The following PAPPA variants were observed in gnomAD, a reference collection of about 807,000 sequenced individuals.
PAPPA encodes pappalysin 1, also known as pappalysin-1.
A neutral mutation model predicts 164.0 loss-of-function variants in PAPPA; 60 were observed. That is an observed-to-expected ratio of 0.37 (90% CI 0.30 to 0.45). The LOEUF (loss-of-function observed/expected upper bound fraction) is 0.45. Among genes scored for constraint, PAPPA ranks in the 20% least tolerant of loss-of-function variants. The pLI, the probability that PAPPA is intolerant of heterozygous loss-of-function variation, is 1.00. For synonymous variants in PAPPA, 875 were observed against 814.1 expected, an observed-to-expected ratio of 1.07 and a Z score of -1.27; for missense variants, 1,782 against 2,087.3, an observed-to-expected ratio of 0.85 and a Z score of 2.85.
At chr9:116,383,255 T>C (rs1846757018) in intron 21 of PAPPA, among the ~76,000 whole-genome samples, 1 of 152,208 alleles carries the variant, frequency 6.6e-6, no homozygotes, top group Admixed American at 6.5e-5. Context: ...GTGGTAACCC[T>C]GCTAGCCTGG....
At chr9:116,305,868 T>C (rs2118897742) in intron 10 of PAPPA, among the ~76,000 whole-genome samples, 1 of 152,284 alleles carries the variant, frequency 6.6e-6, no homozygotes, top group East Asian at 1.9e-4. Flanking sequence ...GATGGATAGA[T>C]CTCAGCATTG....
intron 10 of PAPPA, among the ~76,000 whole-genome samples, chr9:116,320,743 G>C (rs763515977): frequency 6.6e-6 from 1 of 152,082 alleles, no homozygotes; most frequent in East Asian, 1.9e-4. Context: ...AAGTGTGTGT[G>C]TATGTGTATG....
intron 7 of PAPPA, among the ~76,000 whole-genome samples, chr9:116,236,413 C>T (rs1280321120): frequency 1.3e-5 from 2 of 151,782 alleles, no homozygotes; most frequent in East Asian, 1.9e-4. Context: ...GGTGAAACCC[C>T]GTCTCTACTA....
At chr9:116,306,547 A>T (rs1845649327) in intron 10 of PAPPA, among the ~76,000 whole-genome samples, 2 of 152,196 alleles carry the variant, frequency 1.3e-5, no homozygotes, top group Non-Finnish European at 1.5e-5. Context: ...ATAATAAGAG[A>T]CATTCTTTGG....
chr9:116,380,363 T>C (rs934524891), intron 20 of PAPPA, among the ~76,000 whole-genome samples: 2 of 152,032 alleles, frequency 1.3e-5, no homozygotes, highest in African/African-American at 4.8e-5. Flanking sequence ...GGAAAGAACA[T>C]ATAGGGTAGA....
In PAPPA at chr9:116,347,070, T is replaced by A; in HGVS notation, c.3825T>A (p.Asn1275Lys). The A allele has an allele frequency of 6.2e-7, 1 of 1,614,148 alleles. No homozygotes were observed. The highest frequency in any genetic ancestry group is 8.5e-7 in the Non-Finnish European group (1 of 1,179,998). Residue 1275 changes from asparagine (N) to lysine (K), a missense_variant, in exon 15 of 22, where the codon AAT (asparagine) becomes AAA (lysine). By Grantham distance (94) the Asn-to-Lys change is moderately conservative. Transcript: ENST00000328252. The surrounding 1 kb of genome is among the most constrained non-coding windows in gnomAD (Gnocchi z 4.5). The stretch of plus-strand genomic sequence containing the variant: ...TGACCTGTACAGAGGGCAAGTGGAA[T>A]AAGCAGGTGGCCTGTGAGCCAGTCG... ...VTVTCTEGKW[N>K]KQVACEPVDC... is the part of the protein sequence containing the mutation.
intron 10 of PAPPA, among the ~76,000 whole-genome samples, chr9:116,325,097 G>C (rs1449506734): frequency 6.6e-6 from 1 of 152,208 alleles, no homozygotes; most frequent in African/African-American, 2.4e-5. Flanking sequence ...TTCTCCACCA[G>C]AGGAAGTGGA....
intron 2 of PAPPA, among the ~76,000 whole-genome samples, chr9:116,202,793 A>C (rs1403529372): frequency 6.6e-6 from 1 of 152,080 alleles, no homozygotes; most frequent in Non-Finnish European, 1.5e-5. Flanking sequence ...TCTTACTCTT[A>C]TTTTGCATAT....
rs11342214 is a variant in PAPPA, at chr9:116,274,084, CAA to C, written c.2953+2679_2953+2680del. On this transcript the variant is annotated intron_variant, in intron 9 of 21. Transcript: ENST00000328252. ...AGAGCTCACTGTGGTAAGCTACCTG[CAA>C]AAAAAAAAAAGATAGCTCCTGGTCT... Among the ~76,000 whole-genome samples the C allele has an allele frequency of 2.4e-3, 341 of 140,720 alleles. 2 individuals are homozygous for C. The highest frequency in any genetic ancestry group is 2.5e-3 in the Non-Finnish European group (158 of 64,212). The allele number at this position is 140,720 out of a possible 152,430, so 92.3% of individuals were successfully genotyped here. A position where few individuals can be genotyped will look rare whatever the true frequency, so the allele number is the denominator to read the frequency against.
intron 10 of PAPPA, among the ~76,000 whole-genome samples, chr9:116,304,472 C>T (rs1427150953): frequency 6.6e-6 from 1 of 152,200 alleles, no homozygotes; most frequent in African/African-American, 2.4e-5. Context: ...ACACTAGCAT[C>T]CAGTTCTTAG....
rs1447385595 is a variant in PAPPA, at chr9:116,220,005, T to C, written c.1987T>C (p.Tyr663His). 6.2e-7 allele frequency: 1 copy of C among 1,613,864 alleles called. No individual in the cohort carries two copies. Among genetic ancestry groups the C allele is most frequent in the Non-Finnish European group, 8.5e-7 (1 of 1,179,858 alleles). Residue 663 changes from tyrosine to histidine, a missense_variant, in exon 5 of 22, where the codon TAC becomes CAC. By Grantham distance (83) the Tyr-to-His change is moderately conservative (BLOSUM62 2). This residue lies in a region of PAPPA where 1,324 missense variants were observed against 1,656.9 expected (regional missense o/e 0.80). Coordinates refer to ENST00000328252, the MANE Select transcript of PAPPA (RefSeq NM_002581.5). Reference protein sequence around the residue: ...ARMHCYLDLVYQGWQPSRKPA... With the variant: ...ARMHCYLDLVHQGWQPSRKPA... ...AATGCACTGTTACCTGGACCTGGTC[T>C]ACCAGGGCTGGCAGCCCTCCAGGAA...
chr9:116,203,497 C>T (rs1232086808), intron 2 of PAPPA, among the ~76,000 whole-genome samples: 1 of 152,206 alleles, frequency 6.6e-6, no homozygotes, highest in Non-Finnish European at 1.5e-5. Context: ...TAACCCAAAG[C>T]AGATTGATAA....
intron 13 of PAPPA, among the ~76,000 whole-genome samples, chr9:116,343,742 T>TTTAA (rs1554753954): frequency 0.017 from 9 of 538 alleles, no homozygotes; most frequent in African/African-American, 0.021. Context: ...ACCACTTATT[T>TTTAA]TTATTTATTT....
chr9:116,304,425 T>A (rs2118894660), intron 10 of PAPPA, among the ~76,000 whole-genome samples: 1 of 152,354 alleles, frequency 6.6e-6, no homozygotes, highest in Non-Finnish European at 1.5e-5. Flanking sequence ...GAAACAACAG[T>A]GCTGGGGCCA....
At position 116,398,613 on chromosome 9, in the gene PAPPA, A is replaced by AAAC. The variant is rs1249031072; in HGVS notation, c.*1999_*2001dup. ...GCCATCTCTGGCCAATTACACTAAG[A>AAAC]AACATATCAAGGTGCTTTTGGCACA... On this transcript the variant is annotated 3_prime_UTR_variant, in exon 22 of 22. Transcript: ENST00000328252. The AAAC allele has an allele frequency of 1.8e-6, 2 of 1,117,564 alleles. No homozygotes were observed. Among genetic ancestry groups the AAAC allele is most frequent in the African/African-American group, 3.2e-5 (2 of 62,744 alleles). 69.2% of individuals were successfully genotyped at this position (1,117,564 alleles called of 1,614,324 possible).
rs1480123503 is a variant in PAPPA, at chr9:116,289,126, A to G, written c.2954-13631A>G. ...GCAGAATAGATATGCATATACATAT[A>G]TATATATATATATATATATATATAT... is the stretch of plus-strand genomic sequence containing the variant. On this transcript the variant is annotated intron_variant, in intron 9 of 21. Transcript: ENST00000328252. Among the ~76,000 whole-genome samples the G allele has an allele frequency of 2.0e-3, 21 of 10,596 alleles. 1 individual carries two copies. The highest frequency in any genetic ancestry group is 6.9e-3 in the African/African-American group (21 of 3,060). 7.0% of individuals were successfully genotyped at this position (10,596 alleles called of 152,430 possible). A position where few individuals can be genotyped will look rare whatever the true frequency, so the allele number is the denominator to read the frequency against.
At chr9:116,228,239 T>C (rs1844540380) in intron 6 of PAPPA, among the ~76,000 whole-genome samples, 1 of 152,182 alleles carries the variant, frequency 6.6e-6, no homozygotes, top group African/African-American at 2.4e-5. Flanking sequence ...ACTTTGTCAC[T>C]TGGCCTCAGA....
Position 116,154,444 on chromosome 9 carries a change from G to A in PAPPA, c.272G>A (p.Ser91Asn). The A allele has an allele frequency of 7.8e-7, 1 of 1,279,168 alleles. No individual in the cohort carries two copies. 79.2% of individuals were successfully genotyped at this position (1,279,168 alleles called of 1,614,324 possible). Residue 91 changes from serine (S) to asparagine (N), a missense_variant, in exon 1 of 22, where the codon AGC becomes AAC. Ser to Asn is a conservative substitution (Grantham distance 46). Coordinates refer to ENST00000328252, the MANE Select transcript of PAPPA (RefSeq NM_002581.5). This position sits in a 1 kb window ranked among gnomAD's most constrained non-coding sequence, Gnocchi z 5.2. Reference sequence around the variant, plus strand: ...GCGAGGGGCGCCACCGAGGAGCCGAGCCCGCCGAGCCGGGCGCTCTATTTC... The same window carrying A: ...GCGAGGGGCGCCACCGAGGAGCCGAACCCGCCGAGCCGGGCGCTCTATTTC... ...REARGATEEP[S>N]PPSRALYFSG...
intron 2 of PAPPA, among the ~76,000 whole-genome samples, chr9:116,200,155 C>T (rs1045479154): frequency 6.6e-6 from 1 of 152,196 alleles, no homozygotes; most frequent in Non-Finnish European, 1.5e-5. Flanking sequence ...CAAGTGAGGG[C>T]TTGTAATGTC....
Sources: allele counts gnomAD v4.1 joint callset (sites outside exome capture counted in the v4.1 genomes callset), GRCh38; gene constraint gnomAD v4.1.1; regional missense constraint gnomAD v4.1.1; non-coding constraint Gnocchi (gnomAD v3.1); transcripts MANE v1.5; gene names NCBI Gene and HGNC (gene_info 2026-07-23, HGNC 2026-07-21).